KLRD1: variants seen among roughly 807,000 people sequenced by gnomAD.
The protein encoded by KLRD1 is natural killer cells antigen CD94.
KLRD1 carries 21 observed loss-of-function variants against 22.6 expected under a neutral mutation model. The observed-to-expected ratio is 0.93, with a 90% CI of 0.66 to 1.34. The LOEUF (loss-of-function observed/expected upper bound fraction) is 1.34, where lower values mean the gene tolerates loss of function less well. Among genes scored for constraint, KLRD1 ranks in the 40% most tolerant of loss-of-function variants. The pLI, the probability that KLRD1 is intolerant of heterozygous loss-of-function variation, is 0.00. For synonymous variants in KLRD1, 59 were observed against 71.1 expected, an observed-to-expected ratio of 0.83 and a Z score of 0.85; for missense variants, 183 against 208.6, an observed-to-expected ratio of 0.88 and a Z score of 0.76.
chr12:10,297,542 T>C (rs954811663), intron 1 of KLRD1, among the ~76,000 whole-genome samples: 1 of 152,176 alleles, frequency 6.6e-6, no homozygotes, highest in Admixed American at 6.5e-5. Context: ...TTTTAATATA[T>C]TTTATAAACT....
chr12:10,324,818 G>GTATATATATATATATATA lies in KLRD1; in HGVS notation c.*10033_*10050dup, dbSNP rs1555113906. 0.12 allele frequency: 8,455 copies of GTATATATATATATATATA among 73,514 alleles called. 1,096 individuals are homozygous for GTATATATATATATATATA. The highest frequency in any genetic ancestry group is 0.16 in the Non-Finnish European group (5,899 of 37,388). 4.6% of individuals were successfully genotyped at this position (73,514 alleles called of 1,614,324 possible). A position where few individuals can be genotyped will look rare whatever the true frequency, so the allele number is the denominator to read the frequency against. On this transcript the variant is annotated 3_prime_UTR_variant, in exon 6 of 6. Transcript: ENST00000336164. Reference sequence around the variant, plus strand: ...AGTATATATGTATATGTGTGTGTGTGTATATATATATATATATATATATAT... The same window carrying GTATATATATATATATATA: ...AGTATATATGTATATGTGTGTGTGTGTATATATATATATATATATATATATATATATATATATATATAT...
Position 10,293,755 on chromosome 12 carries a change from T to TA in KLRD1, c.-100-14217dup, listed in dbSNP as rs371186849. On this transcript the variant is annotated intron_variant, in intron 1 of 5. Coordinates refer to the KLRD1 transcript ENST00000544747. ...AGGGTTGCCACAAAACCTCAATTTG[T>TA]AAAAAATGCCACACCTGTGAAGCAC... Among the ~76,000 whole-genome samples the TA allele has an allele frequency of 3.5e-3, 526 of 152,278 alleles. 4 individuals carry two copies. Among genetic ancestry groups the TA allele is most frequent in the African/African-American group, 0.012 (493 of 41,552 alleles).
chr12:10,284,988 A>G (rs1052122291), intron 1 of KLRD1, among the ~76,000 whole-genome samples: 1 of 152,326 alleles, frequency 6.6e-6, no homozygotes, highest in African/African-American at 2.4e-5. Context: ...TCTCAAAAAA[A>G]AAAGAAATTA....
At chr12:10,296,497 C>G (rs998500596) in intron 1 of KLRD1, among the ~76,000 whole-genome samples, 9 of 152,024 alleles carry the variant, frequency 5.9e-5, no homozygotes, top group Non-Finnish European at 1.0e-4. Flanking sequence ...GCCTGGGCGA[C>G]ACAGCGAGAC....
chr12:10,274,707 T>G (rs1949577529), intron 1 of KLRD1, among the ~76,000 whole-genome samples: 2 of 152,204 alleles, frequency 1.3e-5, no homozygotes, highest in African/African-American at 4.8e-5. Context: ...ATTAAATATA[T>G]CCAATATATT....
rs2137747653 is a variant in KLRD1, at chr12:10,321,304, A to C, written c.*6511A>C. ...AATTTCACAAGCCTTCACATGGAGAAAAATGATACTCAAGAAGCTAAACTT... is the reference window on the plus strand; with the variant it reads ...AATTTCACAAGCCTTCACATGGAGACAAATGATACTCAAGAAGCTAAACTT... On this transcript the variant is annotated 3_prime_UTR_variant, in exon 6 of 6. Transcript: ENST00000336164. 6.6e-6 allele frequency: 1 copy of C among 152,360 alleles called. No individual in the cohort carries two copies. The highest frequency in any genetic ancestry group is 2.1e-4 in the South Asian group (1 of 4,834). The allele number at this position is 152,360 out of a possible 1,614,324, so 9.4% of individuals were successfully genotyped here.
Position 10,313,477 on chromosome 12 carries a change from G to T in KLRD1, c.383G>T (p.Trp128Leu). 1 of 1,608,134 alleles carries T rather than the reference G, an allele frequency of 6.2e-7. No individual in the cohort carries two copies. The highest frequency in any genetic ancestry group is 8.5e-7 in the Non-Finnish European group (1 of 1,176,856). ...GLSYSEEHTA[W>L]LWENGSALSQ... is the part of the protein sequence containing the mutation. Reference sequence around the variant, plus strand: ...TCTTACAGTGAGGAGCACACCGCCTGGTTGTGGGAGAATGGCTCTGCACTC... The same window carrying T: ...TCTTACAGTGAGGAGCACACCGCCTTGTTGTGGGAGAATGGCTCTGCACTC... Residue 128 changes from tryptophan to leucine, a missense_variant, in exon 5 of 6, where the codon TGG becomes TTG. Trp to Leu is a moderately conservative substitution (Grantham distance 61). Transcript: ENST00000336164.
chr12:10,243,607 CAAAAAAAAA>C (rs34864670), intron 1 of KLRD1, among the ~76,000 whole-genome samples: 13 of 28,810 alleles, frequency 4.5e-4, no homozygotes, highest in African/African-American at 2.6e-3. Flanking sequence ...AGTGAGACTC[CAAAAAAAAA>C]AAAAAAAAAA....
At chr12:10,261,799 C>T (rs1392708503) in intron 1 of KLRD1, among the ~76,000 whole-genome samples, 1 of 152,064 alleles carries the variant, frequency 6.6e-6, no homozygotes, top group Non-Finnish European at 1.5e-5. Flanking sequence ...ATTAATACAA[C>T]AATGGCAGTG....
At chr12:10,243,027 C>T (rs1423104287) in intron 1 of KLRD1, among the ~76,000 whole-genome samples, 2 of 151,916 alleles carry the variant, frequency 1.3e-5, no homozygotes, top group Non-Finnish European at 2.9e-5. Flanking sequence ...ATAAGCCAAG[C>T]ACAGAAAGAC....
At chr12:10,292,226 C>T (rs1949776935) in intron 1 of KLRD1, among the ~76,000 whole-genome samples, 1 of 152,212 alleles carries the variant, frequency 6.6e-6, no homozygotes, top group Admixed American at 6.5e-5. Context: ...TTCTTCTAAA[C>T]TCTTGTTAAT....
In KLRD1 at chr12:10,307,964, T is replaced by C; in HGVS notation, c.-114T>C. ...TCTCTATTTTTGCTAAATTTCTTCA[T>C]ACTCAACTTTCAGATTCTTTAATCT... On this transcript the variant is annotated 5_prime_UTR_variant, in exon 1 of 6. Coordinates refer to ENST00000336164, the MANE Select transcript of KLRD1 (RefSeq NM_002262.5). 1 of 935,418 alleles carries C rather than the reference T, an allele frequency of 1.1e-6. No individual in the cohort carries two copies. The allele number at this position is 935,418 out of a possible 1,614,324, so 57.9% of individuals were successfully genotyped here. A position where few individuals can be genotyped will look rare whatever the true frequency, so the allele number is the denominator to read the frequency against.
intron 1 of KLRD1, among the ~76,000 whole-genome samples, chr12:10,251,192 C>T (rs147131073): frequency 0.015 from 2,252 of 152,082 alleles, 57 homozygotes; most frequent in African/African-American, 0.051. Context: ...TGGTGCGATC[C>T]TGGCTTACTG....
intron 1 of KLRD1, among the ~76,000 whole-genome samples, chr12:10,283,108 G>A (rs1167380754): frequency 1.3e-5 from 2 of 152,228 alleles, no homozygotes; most frequent in East Asian, 1.9e-4. Context: ...TCCGTCAGGA[G>A]AAAGAAGACA....
At chr12:10,266,688 C>T (rs1949502183) in intron 1 of KLRD1, among the ~76,000 whole-genome samples, 1 of 151,714 alleles carries the variant, frequency 6.6e-6, no homozygotes, top group African/African-American at 2.4e-5. Context: ...TATATATGCA[C>T]ACACATATAT....
chr12:10,246,928 C>CTTTTTTTTTTTTTT (rs1208226436), intron 1 of KLRD1, among the ~76,000 whole-genome samples: 1 of 129,688 alleles, frequency 7.7e-6, no homozygotes, highest in East Asian at 2.6e-4. Flanking sequence ...CTTTTCTTTT[C>CTTTTTTTTTTTTTT]TTTTCTTTTT....
intron 1 of KLRD1, among the ~76,000 whole-genome samples, chr12:10,299,383 T>C (rs1433237386): frequency 6.6e-6 from 1 of 152,136 alleles, no homozygotes; most frequent in Non-Finnish European, 1.5e-5. Context: ...ATGCATAATA[T>C]AAGCAAACCT....
rs1290407988 is a variant in KLRD1, at chr12:10,328,107, T to C, written c.*13314T>C. 1 of 152,192 alleles carries C rather than the reference T, an allele frequency of 6.6e-6. No homozygotes were observed. The highest frequency in any genetic ancestry group is 2.4e-5 in the African/African-American group (1 of 41,462). 9.4% of individuals were successfully genotyped at this position (152,192 alleles called of 1,614,324 possible). On this transcript the variant is annotated 3_prime_UTR_variant, in exon 6 of 6. Coordinates refer to ENST00000336164, the MANE Select transcript of KLRD1 (RefSeq NM_002262.5). ...TTTGCATCTACGTTTACTAGACATATTGGCTTATAGTTTTCTTGTGGTATC... is the reference window on the plus strand; with the variant it reads ...TTTGCATCTACGTTTACTAGACATACTGGCTTATAGTTTTCTTGTGGTATC...
intron 1 of KLRD1, among the ~76,000 whole-genome samples, chr12:10,291,463 T>C (rs560780956): frequency 3.3e-5 from 5 of 152,186 alleles, no homozygotes; most frequent in Non-Finnish European, 7.3e-5. Flanking sequence ...TTTTTTGTAA[T>C]ATTCTAAATT....
Sources: gnomAD v4.1 joint callset for allele counts (sites outside exome capture counted in the v4.1 genomes callset) on GRCh38, gnomAD v4.1.1 for gene constraint, MANE v1.5 for transcripts, NCBI Gene and HGNC (gene_info 2026-07-23, HGNC 2026-07-21) for gene names.